KCNQ1: variants seen among roughly 807,000 people sequenced by gnomAD.
KCNQ1 encodes the protein potassium voltage-gated channel subfamily KQT member 1.
A neutral mutation model predicts 72.4 loss-of-function variants in KCNQ1; 49 were observed. The ratio of observed to expected loss-of-function variants is 0.68; its 90% confidence interval spans 0.54 to 0.86. KCNQ1 has a LOEUF of 0.86. Among genes scored for constraint, KCNQ1 ranks in the 40% least tolerant of loss-of-function variants. The pLI, the probability that KCNQ1 is intolerant of heterozygous loss-of-function variation, is 0.00. For missense variants in KCNQ1, 790 were observed against 945.1 expected, an observed-to-expected ratio of 0.84 and a Z score of 2.15; for synonymous variants, 450 against 412.6, an observed-to-expected ratio of 1.09 and a Z score of -1.10.
At position 2,492,086 on chromosome 11, in the gene KCNQ1, C is replaced by T. The variant is rs1846844937; in HGVS notation, c.387-35842C>T. Among the ~76,000 whole-genome samples the T allele has an allele frequency of 6.6e-6, 1 of 152,172 alleles. No homozygotes were observed. The highest frequency in any genetic ancestry group is 2.4e-5 in the African/African-American group (1 of 41,430). The stretch of plus-strand genomic sequence containing the variant: ...CTTACAAGAAATGCTAAAGGGAATT[C>T]TTCAATCTGAAAGAAAAGGGTGTTA... On this transcript the variant is annotated intron_variant, in intron 1 of 15. Coordinates refer to ENST00000155840, the MANE Select transcript of KCNQ1 (RefSeq NM_000218.3). This position sits in a 1 kb window ranked among gnomAD's most constrained non-coding sequence, Gnocchi z 4.1.
In KCNQ1 at chr11:2,627,107, G is replaced by T. The variant is rs1388630375; in HGVS notation, c.1394-34854G>T. The T allele has an allele frequency of 3.0e-5, 12 of 398,242 alleles. No individual in the cohort carries two copies. Among genetic ancestry groups the T allele is most frequent in the Non-Finnish European group, 4.9e-5 (11 of 226,012 alleles). The allele number at this position is 398,242 out of a possible 1,614,324, so 24.7% of individuals were successfully genotyped here. On this transcript the variant is annotated intron_variant, in intron 10 of 15. Transcript: ENST00000155840. This position sits in a 1 kb window ranked among gnomAD's most constrained non-coding sequence, Gnocchi z 4.9. ...CTTTAATTTCTTTCAGCATTGTTTT[G>T]TAATTTTCATTGTACAAGACTTTCA...
intron 11 of KCNQ1, chr11:2,684,885 C>T: frequency 2.5e-6 from 1 of 398,684 alleles, no homozygotes; most frequent in Non-Finnish European, 4.4e-6. Context: ...GTTTTAGATT[C>T]TTTCACTACA....
intron 11 of KCNQ1, among the ~76,000 whole-genome samples, chr11:2,706,213 G>A (rs1297845182): frequency 6.6e-6 from 1 of 152,210 alleles, no homozygotes; most frequent in East Asian, 1.9e-4. Context: ...AATAAAATAT[G>A]GAAGAAGTGA....
chr11:2,639,230 C>T (rs958082810), intron 10 of KCNQ1: 14 of 152,210 alleles, frequency 9.2e-5, no homozygotes, highest in South Asian at 2.1e-4. Flanking sequence ...AGTCATTCTC[C>T]GTCCAGCTTT....
chr11:2,630,346 AT>A, intron 10 of KCNQ1: 2 of 398,240 alleles, frequency 5.0e-6, no homozygotes, highest in East Asian at 7.1e-5. Context: ...ATGTATAGTC[AT>A]AAAAAAATAT....
intron 2 of KCNQ1, among the ~76,000 whole-genome samples, chr11:2,534,438 G>T (rs1047459391): frequency 7.9e-5 from 12 of 152,264 alleles, no homozygotes; most frequent in Non-Finnish European, 1.6e-4. Context: ...GGTGACTCAG[G>T]ATTTTCCTCC....
Position 2,471,639 on chromosome 11 carries a change from T to C in KCNQ1, c.386+26155T>C, listed in dbSNP as rs1846460169. Among the ~76,000 whole-genome samples, 1 of 151,628 alleles carries C rather than the reference T, an allele frequency of 6.6e-6. No homozygotes were observed. The highest frequency in any genetic ancestry group is 2.1e-4 in the South Asian group (1 of 4,814). Reference sequence around the variant, plus strand: ...GGGTGTGTGCACGTATGCACGGATGTGTGTACACATGTGTATGGGTGTGTG... The same window carrying C: ...GGGTGTGTGCACGTATGCACGGATGCGTGTACACATGTGTATGGGTGTGTG... On this transcript the variant is annotated intron_variant, in intron 1 of 15. Coordinates refer to ENST00000155840, the MANE Select transcript of KCNQ1 (RefSeq NM_000218.3). The surrounding 1 kb of genome is among the most constrained non-coding windows in gnomAD (Gnocchi z 4.8).
In KCNQ1 at chr11:2,585,315, G is replaced by A. The variant is rs760205726; in HGVS notation, c.1128+8G>A. 1 of 1,610,954 alleles carries A rather than the reference G, an allele frequency of 6.2e-7. No homozygotes were observed. Among genetic ancestry groups the A allele is most frequent in the Non-Finnish European group, 8.5e-7 (1 of 1,177,438 alleles). On this transcript the variant is annotated splice_region_variant and intron_variant, in intron 8 of 15. Coordinates refer to ENST00000155840, the MANE Select transcript of KCNQ1 (RefSeq NM_000218.3). ...GCAGCCTCACTCATTCAGGTGCGGT[G>A]CCTGCAAGGCCCTGGTCACTGTCAT...
intron 2 of KCNQ1, among the ~76,000 whole-genome samples, chr11:2,558,978 G>A (rs995831837): frequency 7.9e-5 from 12 of 152,110 alleles, no homozygotes; most frequent in Admixed American, 2.0e-4. Context: ...CAGCTGCCTT[G>A]AGCACCTCCT....
At position 2,572,169 on chromosome 11, in the gene KCNQ1, G is replaced by A. The variant is rs550756369; in HGVS notation, c.780+60G>A. 78 of 1,314,450 alleles carry A rather than the reference G, an allele frequency of 5.9e-5. 1 individual carries two copies. The South Asian group carries it at 8.7e-4, about 15-fold the overall frequency. The allele number at this position is 1,314,450 out of a possible 1,614,324, so 81.4% of individuals were successfully genotyped here. A position where few individuals can be genotyped will look rare whatever the true frequency, so the allele number is the denominator to read the frequency against. On this transcript the variant is annotated intron_variant, in intron 5 of 15. Coordinates refer to ENST00000155840, the MANE Select transcript of KCNQ1 (RefSeq NM_000218.3). ...TTGGGGACAGGACGGAGGGAGCAGA[G>A]CAGCCCACACTAGGACAGCTTGAGA...
At chr11:2,650,518 T>G in intron 10 of KCNQ1, 1 of 398,682 alleles carries the variant, frequency 2.5e-6, no homozygotes. Context: ...TAGACTATAA[T>G]CCACATCAGT....
At chr11:2,838,206 C>G (rs942044746) in intron 15 of KCNQ1, among the ~76,000 whole-genome samples, 1 of 152,274 alleles carries the variant, frequency 6.6e-6, no homozygotes, top group African/African-American at 2.4e-5. Flanking sequence ...GGAAGCCAGA[C>G]TGACCTCACG....
Position 2,458,957 on chromosome 11 carries a change from T to C in KCNQ1, c.386+13473T>C, listed in dbSNP as rs1846235671. 6.6e-6 allele frequency among the ~76,000 whole-genome samples: 1 copy of C among 152,236 alleles called. No individual in the cohort carries two copies. The highest frequency in any genetic ancestry group is 1.5e-5 in the Non-Finnish European group (1 of 68,038). ...ATGACAAATATTGGATTAAATTACTTCTGGTTTGCTGCATGTTCCATTTTT... is the reference window on the plus strand; with the variant it reads ...ATGACAAATATTGGATTAAATTACTCCTGGTTTGCTGCATGTTCCATTTTT... On this transcript the variant is annotated intron_variant, in intron 1 of 15. Transcript: ENST00000155840. The surrounding 1 kb of genome is among the most constrained non-coding windows in gnomAD (Gnocchi z 4.6).
rs187183672 is a variant in KCNQ1 at position 2,495,436 on chromosome 11, C to T, written c.387-32492C>T. On this transcript the variant is annotated intron_variant, in intron 1 of 15. Coordinates refer to ENST00000155840, the MANE Select transcript of KCNQ1 (RefSeq NM_000218.3). This position sits in a 1 kb window ranked among gnomAD's most constrained non-coding sequence, Gnocchi z 4.6. The stretch of plus-strand genomic sequence containing the variant: ...TCTTTTAATTGTGATGTTTGGGTGT[C>T]GATTTCAGATCTCTCTAGCTTTCTG... Among the ~76,000 whole-genome samples the T allele has an allele frequency of 8.5e-5, 13 of 152,174 alleles. No homozygotes were observed. Among genetic ancestry groups the T allele is most frequent in the South Asian group, 4.1e-4 (2 of 4,828 alleles).
intron 11 of KCNQ1, among the ~76,000 whole-genome samples, chr11:2,701,433 C>T (rs954423816): frequency 1.3e-5 from 2 of 152,104 alleles, no homozygotes; most frequent in Admixed American, 6.5e-5. Context: ...GATCAGAGGG[C>T]GCAGTCCACC....
chr11:2,688,431 CCT>C (rs1456173008), intron 11 of KCNQ1: 8 of 398,640 alleles, frequency 2.0e-5, no homozygotes, highest in Non-Finnish European at 3.5e-5. Flanking sequence ...GGCCCCAGCC[CCT>C]GCCTGTGCCA....
At chr11:2,582,899 G>A (rs963696682) in intron 6 of KCNQ1, among the ~76,000 whole-genome samples, 3 of 152,134 alleles carry the variant, frequency 2.0e-5, no homozygotes, top group African/African-American at 4.8e-5. Flanking sequence ...CGTCCTGGAC[G>A]GATGGCTCTC....
rs2133809968 is a variant in KCNQ1 at position 2,626,005 on chromosome 11, G to T, written c.1394-35956G>T. Reference sequence around the variant, plus strand: ...ATTCTGTAGGTTGTCTTATTGCTTAGTTGATATTATTTTAATGCACACAAT... The same window carrying T: ...ATTCTGTAGGTTGTCTTATTGCTTATTTGATATTATTTTAATGCACACAAT... On this transcript the variant is annotated intron_variant, in intron 10 of 15. Transcript: ENST00000155840. The surrounding 1 kb of genome is among the most constrained non-coding windows in gnomAD (Gnocchi z 4.0). 1 of 398,620 alleles carries T rather than the reference G, an allele frequency of 2.5e-6. No homozygotes were observed. The highest frequency in any genetic ancestry group is 6.3e-4 in the Middle Eastern group (1 of 1,588). 24.7% of individuals were successfully genotyped at this position (398,620 alleles called of 1,614,324 possible). A position where few individuals can be genotyped will look rare whatever the true frequency, so the allele number is the denominator to read the frequency against.
At chr11:2,705,755 G>T (rs1243243680) in intron 11 of KCNQ1, among the ~76,000 whole-genome samples, 1 of 152,234 alleles carries the variant, frequency 6.6e-6, no homozygotes, top group African/African-American at 2.4e-5. Context: ...TGAGTCCTGG[G>T]AGAGGTGTTA....
Sources: allele counts gnomAD v4.1 joint callset (sites outside exome capture counted in the v4.1 genomes callset), GRCh38; gene constraint gnomAD v4.1.1; non-coding constraint Gnocchi (gnomAD v3.1); transcripts MANE v1.5; gene names NCBI Gene and HGNC (gene_info 2026-07-23, HGNC 2026-07-21).